OLFM2: variants seen among roughly 807,000 people sequenced by gnomAD.
OLFM2 encodes noelin-2.
In OLFM2, 20 loss-of-function variants were observed where a neutral mutation model predicts 43.9. The ratio of observed to expected loss-of-function variants is 0.46; its 90% confidence interval spans 0.32 to 0.66. OLFM2 has a LOEUF of 0.66. OLFM2 is among the 30% of genes least tolerant of loss of function. The pLI is 0.04. For missense variants in OLFM2, 416 were observed against 643.6 expected (o/e 0.65, Z 3.83); for synonymous variants, 268 against 278.6 (o/e 0.96, Z 0.38).
chr19:9,871,380 G>A (rs1036153033), intron 1 of OLFM2, among the ~76,000 whole-genome samples: 4 of 151,810 alleles, frequency 2.6e-5, no homozygotes, highest in Admixed American at 1.3e-4. Flanking sequence ...AATCCAGCCC[G>A]AGCAACATGG....
At chr19:9,935,616 C>G (rs2086510143) in intron 1 of OLFM2, among the ~76,000 whole-genome samples, 1 of 152,166 alleles carries the variant, frequency 6.6e-6, no homozygotes, top group Non-Finnish European at 1.5e-5. Context: ...GGCTCTCACA[C>G]GGCCACACAC....
intron 5 of OLFM2, among the ~76,000 whole-genome samples, chr19:9,855,584 C>T (rs1320826491): frequency 1.3e-5 from 2 of 151,128 alleles, no homozygotes; most frequent in African/African-American, 2.4e-5. Context: ...CCCAGGCTGG[C>T]GGGCAGTGGC....
chr19:9,918,643 C>G (rs2086400501), intron 1 of OLFM2, among the ~76,000 whole-genome samples: 1 of 152,124 alleles, frequency 6.6e-6, no homozygotes, highest in Non-Finnish European at 1.5e-5. Flanking sequence ...AGTGAATAAA[C>G]AAATTGCGGT....
intron 1 of OLFM2, among the ~76,000 whole-genome samples, chr19:9,925,929 G>C (rs1404958968): frequency 6.6e-6 from 1 of 151,288 alleles, no homozygotes; most frequent in East Asian, 2.0e-4. Context: ...CAGGCCAGGA[G>C]TTGAAGACCA....
rs2046325897 is a variant in OLFM2 at position 9,857,157 on chromosome 19, AAGTT to A, written c.580+102_580+105del. On this transcript the variant is annotated intron_variant, in intron 4 of 5. Coordinates refer to ENST00000264833, the MANE Select transcript of OLFM2 (RefSeq NM_058164.4). The surrounding 1 kb of genome is among the most constrained non-coding windows in gnomAD (Gnocchi z 5.7). Reference sequence around the variant, plus strand: ...AGGAAGGTCAAGGGTTGAGGTTTAAAAGTTAGAGGTCAAAACTGTGTCCAGCTTC... The same window carrying A: ...AGGAAGGTCAAGGGTTGAGGTTTAAAAGAGGTCAAAACTGTGTCCAGCTTC... 4.3e-6 allele frequency: 5 copies of A among 1,156,804 alleles called. No homozygotes were observed. The African/African-American group carries it at 4.5e-5, about 10-fold the overall frequency. The allele number at this position is 1,156,804 out of a possible 1,614,324, so 71.7% of individuals were successfully genotyped here. A position where few individuals can be genotyped will look rare whatever the true frequency, so the allele number is the denominator to read the frequency against.
intron 1 of OLFM2, among the ~76,000 whole-genome samples, chr19:9,863,274 G>A (rs901803091): frequency 6.6e-6 from 1 of 152,120 alleles, no homozygotes; most frequent in South Asian, 2.1e-4. Context: ...AGAGAAGGGA[G>A]GTGATGGGGC....
intron 1 of OLFM2, among the ~76,000 whole-genome samples, chr19:9,895,494 C>CAAATAAAT (rs57907212): frequency 6.6e-6 from 1 of 150,500 alleles, no homozygotes; most frequent in African/African-American, 2.4e-5. Context: ...GACCCTGTCT[C>CAAATAAAT]AAATAAATAA....
At chr19:9,931,800 C>T (rs1253102979) in intron 1 of OLFM2, among the ~76,000 whole-genome samples, 1 of 152,060 alleles carries the variant, frequency 6.6e-6, no homozygotes, top group Non-Finnish European at 1.5e-5. Flanking sequence ...AATTCCTGGC[C>T]TCAAGAGACC....
At position 9,857,996 on chromosome 19, in the gene OLFM2, C is replaced by T; in HGVS notation, c.214-135G>A. On this transcript the variant is annotated intron_variant, in intron 2 of 5. Coordinates refer to ENST00000264833, the MANE Select transcript of OLFM2 (RefSeq NM_058164.4). This position sits in a 1 kb window ranked among gnomAD's most constrained non-coding sequence, Gnocchi z 5.7. ...CGAGGCCACCTTCTCCTCCCCTGAGCTTACCAGCAGCCTCCCAATTGCGTG... is the reference window on the plus strand; with the variant it reads ...CGAGGCCACCTTCTCCTCCCCTGAGTTTACCAGCAGCCTCCCAATTGCGTG... The T allele has an allele frequency of 9.0e-7, 1 of 1,105,890 alleles. No individual in the cohort carries two copies. Among genetic ancestry groups the T allele is most frequent in the African/African-American group, 1.5e-5 (1 of 64,860 alleles). The allele number at this position is 1,105,890 out of a possible 1,614,324, so 68.5% of individuals were successfully genotyped here.
At chr19:9,913,849 GC>G in intron 1 of OLFM2, 1 of 199,514 alleles carries the variant, frequency 5.0e-6, no homozygotes, top group Non-Finnish European at 8.9e-6. Context: ...TCGGGCCCCC[GC>G]CCCCTCCCGC....
In OLFM2 at chr19:9,857,608, C is replaced by T; in HGVS notation, c.360+107G>A. On this transcript the variant is annotated intron_variant, in intron 3 of 5. Coordinates refer to ENST00000264833, the MANE Select transcript of OLFM2 (RefSeq NM_058164.4). The surrounding 1 kb of genome is among the most constrained non-coding windows in gnomAD (Gnocchi z 5.7). ...CACACCTGGCCCTTGACATGTGGCT[C>T]ATATTGGACCCTAGATTCTTCCCAG... 1 of 1,567,890 alleles carries T rather than the reference C, an allele frequency of 6.4e-7. No individual in the cohort carries two copies. Among genetic ancestry groups the T allele is most frequent in the South Asian group, 1.1e-5 (1 of 89,466 alleles).
At chr19:9,925,161 GT>G (rs2086445311) in intron 1 of OLFM2, among the ~76,000 whole-genome samples, 1 of 152,088 alleles carries the variant, frequency 6.6e-6, no homozygotes, top group South Asian at 2.1e-4. Context: ...GGAGGCTGAG[GT>G]GGGAGAATGG....
intron 1 of OLFM2, among the ~76,000 whole-genome samples, chr19:9,868,985 T>C (rs1246744408): frequency 6.6e-6 from 1 of 151,142 alleles, no homozygotes; most frequent in Admixed American, 6.6e-5. Context: ...TTTTTTTTTT[T>C]TTTGGCAAGG....
chr19:9,856,808 C>T lies in OLFM2; in HGVS notation c.686G>A (p.Arg229Gln), dbSNP rs776018220. 3.5e-5 allele frequency: 56 copies of T among 1,612,342 alleles called. No individual in the cohort carries two copies. The highest frequency in any genetic ancestry group is 5.5e-5 in the South Asian group (5 of 90,818). The part of the protein sequence containing the change: ...TDTMAPSADS[R>Q]VWYMDGYYKG... Reference sequence around the variant, plus strand: ...CCAGGGGTGGGCGCAGTCACTCACCCGGCTATCCGCACTGGGGGCCATCGT... The same window carrying T: ...CCAGGGGTGGGCGCAGTCACTCACCTGGCTATCCGCACTGGGGGCCATCGT... The change falls in exon 5 of 6, where the codon CGG becomes CAG. Residue 229 changes from arginine (R) to glutamine (Q), a missense_variant and splice_region_variant. By Grantham distance (43) the Arg-to-Gln change is conservative. Coordinates refer to ENST00000264833, the MANE Select transcript of OLFM2 (RefSeq NM_058164.4). This position sits in a 1 kb window ranked among gnomAD's most constrained non-coding sequence, Gnocchi z 4.0.
At chr19:9,913,621 G>C (rs1289230824) in intron 1 of OLFM2, 2 of 1,293,388 alleles carry the variant, frequency 1.5e-6, no homozygotes, top group African/African-American at 3.2e-5. Context: ...CCGACATCGC[G>C]CCTCCGCCTC....
At position 9,896,513 on chromosome 19, in the gene OLFM2, C is replaced by G. The variant is rs527356951; in HGVS notation, c.64-35719G>C. On this transcript the variant is annotated intron_variant, in intron 1 of 5. Transcript: ENST00000264833. ...CCTGGCTCAAGCCATCCTCCCACCC[C>G]GGCCTCCGAAAGTGCTGGGATTATA... Among the ~76,000 whole-genome samples, 228 of 152,330 alleles carry G rather than the reference C, an allele frequency of 1.5e-3. 1 individual carries two copies. The highest frequency in any genetic ancestry group is 5.4e-3 in the African/African-American group (223 of 41,584).
chr19:9,901,874 G>C (rs2046743051), intron 1 of OLFM2, among the ~76,000 whole-genome samples: 1 of 152,192 alleles, frequency 6.6e-6, no homozygotes, highest in Non-Finnish European at 1.5e-5. Context: ...AAACGCCATT[G>C]TGCATTAGAG....
intron 1 of OLFM2, among the ~76,000 whole-genome samples, chr19:9,888,999 G>C (rs1190570089): frequency 6.6e-6 from 1 of 152,006 alleles, no homozygotes; most frequent in East Asian, 1.9e-4. Context: ...CCGGGAGGCA[G>C]AGGTTGCAGT....
Position 9,857,471 on chromosome 19 carries a change from G to T in OLFM2, c.372C>A (p.Asp124Glu). Residue 124 changes from aspartate to glutamate, a missense_variant, in exon 4 of 6, where the codon GAC becomes GAA. By Grantham distance (45) the Asp-to-Glu change is conservative (BLOSUM62 2). Coordinates refer to ENST00000264833, the MANE Select transcript of OLFM2 (RefSeq NM_058164.4). The surrounding 1 kb of genome is among the most constrained non-coding windows in gnomAD (Gnocchi z 5.7). ...TCAGGGGCAACAGTTCCGTCATCCTGTCCTTCAGCTCCTGTGCATCAAGAT... is the reference window on the plus strand; with the variant it reads ...TCAGGGGCAACAGTTCCGTCATCCTTTCCTTCAGCTCCTGTGCATCAAGAT... ...LSAKSFQELK[D>E]RMTELLPLSS... 6.2e-7 allele frequency: 1 copy of T among 1,613,680 alleles called. No individual in the cohort carries two copies.
Sources: allele counts gnomAD v4.1 joint callset (sites outside exome capture counted in the v4.1 genomes callset), GRCh38; gene constraint gnomAD v4.1.1; non-coding constraint Gnocchi (gnomAD v3.1); transcripts MANE v1.5; gene names NCBI Gene and HGNC (gene_info 2026-07-23, HGNC 2026-07-21).